The following FBXO45 variants were observed in gnomAD, a reference collection of about 807,000 sequenced individuals.
The protein encoded by FBXO45 is F-box/SPRY domain-containing protein 1.
In FBXO45, 3 loss-of-function variants were observed where a neutral mutation model predicts 25.5. The observed-to-expected ratio is 0.12, with a 90% CI of 0.05 to 0.30. The LOEUF (loss-of-function observed/expected upper bound fraction) is 0.30. Ranked by LOEUF, FBXO45 falls within the 10% of genes least tolerant of loss-of-function variation. The pLI is 1.00. For missense variants in FBXO45, 219 were observed against 365.0 expected, an observed-to-expected ratio of 0.60 and a Z score of 3.26; for synonymous variants, 155 against 149.8, an observed-to-expected ratio of 1.03 and a Z score of -0.25.
chr3:196,569,370 A>C lies in FBXO45; in HGVS notation c.318+68A>C. 7.1e-4 allele frequency: 1,005 copies of C among 1,407,702 alleles called. No individual in the cohort carries two copies. The highest frequency in any genetic ancestry group is 8.7e-4 in the Non-Finnish European group (916 of 1,054,366). The allele number at this position is 1,407,702 out of a possible 1,614,324, so 87.2% of individuals were successfully genotyped here. A position where few individuals can be genotyped will look rare whatever the true frequency, so the allele number is the denominator to read the frequency against. On this transcript the variant is annotated intron_variant, in intron 1 of 2. Coordinates refer to ENST00000311630, the MANE Select transcript of FBXO45 (RefSeq NM_001105573.2). The surrounding 1 kb of genome is among the most constrained non-coding windows in gnomAD (Gnocchi z 4.1). ...CCCGGCGTCGTTCGCGGTGTTTCTC[A>C]TCCGAGCTTCTGAGTCAGAAGCTTC... is the stretch of plus-strand genomic sequence containing the variant.
intron 1 of FBXO45, among the ~76,000 whole-genome samples, chr3:196,576,185 A>G (rs555991353): frequency 1.3e-5 from 2 of 152,234 alleles, no homozygotes; most frequent in African/African-American, 4.8e-5. Flanking sequence ...TGGTGAGGGG[A>G]CTGGATCCTT....
At position 196,580,843 on chromosome 3, in the gene FBXO45, C is replaced by T. The variant is rs185106792; in HGVS notation, c.675+3034C>T. ...CTGGAGTGGTGCAGTGGTGCAGTGG[C>T]GTGATGATCTTGGCTCACTGAAACC... On this transcript the variant is annotated intron_variant, in intron 2 of 2. Transcript: ENST00000311630. 3.3e-4 allele frequency among the ~76,000 whole-genome samples: 50 copies of T among 150,182 alleles called. No homozygotes were observed. The East Asian group carries it at 9.7e-3, about 29-fold the overall frequency.
intron 1 of FBXO45, among the ~76,000 whole-genome samples, chr3:196,572,631 C>G (rs1319079486): frequency 6.6e-6 from 1 of 152,120 alleles, no homozygotes; most frequent in Non-Finnish European, 1.5e-5. Context: ...GTAGGGAAGC[C>G]ATTTTGAGTT....
chr3:196,577,649 G>A lies in FBXO45; in HGVS notation c.515G>A (p.Gly172Glu), dbSNP rs749646673. The change falls in exon 2 of 3, where the codon GGA (glycine) becomes GAA (glutamate). Residue 172 changes from glycine (G) to glutamate (E), a missense_variant. By Grantham distance (98) the Gly-to-Glu change is moderately conservative (BLOSUM62 -2). Around this residue, in one of 4 missense-constraint regions of FBXO45, gnomAD observed 31 missense variants for 107.2 expected, o/e 0.29. Transcript: ENST00000311630. Reference protein sequence around the residue: ...EGPLGTVAVIGIATKRAPMQC... With the variant: ...EGPLGTVAVIEIATKRAPMQC... The stretch of plus-strand genomic sequence containing the variant: ...CCTCTGGGCACTGTGGCAGTGATTG[G>A]AATTGCCACAAAACGGGCCCCCATG... The A allele has an allele frequency of 6.2e-7, 1 of 1,613,676 alleles. No homozygotes were observed. Among genetic ancestry groups the A allele is most frequent in the South Asian group, 1.1e-5 (1 of 91,040 alleles).
At chr3:196,578,547 C>T (rs1007581861) in intron 2 of FBXO45, among the ~76,000 whole-genome samples, 1 of 151,698 alleles carries the variant, frequency 6.6e-6, no homozygotes, top group African/African-American at 2.4e-5. Context: ...AGGTAAGGAT[C>T]TATCACGAGT....
At position 196,569,874 on chromosome 3, in the gene FBXO45, T is replaced by A. The variant is rs1735761202; in HGVS notation, c.318+572T>A. On this transcript the variant is annotated intron_variant, in intron 1 of 2. Coordinates refer to ENST00000311630, the MANE Select transcript of FBXO45 (RefSeq NM_001105573.2). The surrounding 1 kb of genome is among the most constrained non-coding windows in gnomAD (Gnocchi z 4.1). ...CCTGCTCACTTACAAGATACAGGCT[T>A]TTATAGAACGTCCACGGGCACCACC... 6.6e-6 allele frequency among the ~76,000 whole-genome samples: 1 copy of A among 152,208 alleles called. No homozygotes were observed. The highest frequency in any genetic ancestry group is 2.4e-5 in the African/African-American group (1 of 41,464).
chr3:196,581,429 C>A (rs1736011526), intron 2 of FBXO45, among the ~76,000 whole-genome samples: 1 of 151,614 alleles, frequency 6.6e-6, no homozygotes, highest in African/African-American at 2.4e-5. Context: ...TGAGGTTTCA[C>A]CATGTTGGCC....
At position 196,577,230 on chromosome 3, in the gene FBXO45, T is replaced by A. The variant is rs149857407; in HGVS notation, c.319-223T>A. Among the ~76,000 whole-genome samples, 307 of 151,890 alleles carry A rather than the reference T, an allele frequency of 2.0e-3. 1 individual carries two copies. The highest frequency in any genetic ancestry group is 7.2e-3 in the African/African-American group (297 of 41,384). On this transcript the variant is annotated intron_variant, in intron 1 of 2. Coordinates refer to ENST00000311630, the MANE Select transcript of FBXO45 (RefSeq NM_001105573.2). ...AGTCTGTTTGAGGAAATACTACAAT[T>A]TAAAATTTTGGTCAGTGATGAAACG...
rs1054793239 is a variant in FBXO45, at chr3:196,586,059, A to T, written c.*1741A>T. 3.9e-5 allele frequency: 6 copies of T among 152,124 alleles called. No homozygotes were observed. The highest frequency in any genetic ancestry group is 3.9e-4 in the Admixed American group (6 of 15,276). The allele number at this position is 152,124 out of a possible 1,614,324, so 9.4% of individuals were successfully genotyped here. A position where few individuals can be genotyped will look rare whatever the true frequency, so the allele number is the denominator to read the frequency against. The stretch of plus-strand genomic sequence containing the variant: ...TTTTCGATGTCCAGGTTAAGAAGAA[A>T]CCTCCTTGTATTGAGTGAAATTATA... On this transcript the variant is annotated 3_prime_UTR_variant, in exon 3 of 3. Transcript: ENST00000311630.
intron 1 of FBXO45, among the ~76,000 whole-genome samples, chr3:196,571,005 C>T (rs993077141): frequency 2.0e-5 from 3 of 152,136 alleles, no homozygotes; most frequent in African/African-American, 7.2e-5. Flanking sequence ...CTCATGCGCC[C>T]GGCCTCAAGT....
In FBXO45 at chr3:196,586,152, C is replaced by G. The variant is rs1041053494; in HGVS notation, c.*1834C>G. 6.6e-6 allele frequency: 1 copy of G among 152,190 alleles called. No individual in the cohort carries two copies. The highest frequency in any genetic ancestry group is 1.9e-4 in the East Asian group (1 of 5,186). The allele number at this position is 152,190 out of a possible 1,614,324, so 9.4% of individuals were successfully genotyped here. On this transcript the variant is annotated 3_prime_UTR_variant, in exon 3 of 3. Transcript: ENST00000311630. ...TTTCTTGGTGTAGAACAACTCAGTT[C>G]GGCAAAGTTTAAAATTTGATTAAAC...
intron 1 of FBXO45, 115 bp from the exon 2 acceptor site, chr3:196,577,338 A>G (rs1735932659): frequency 2.6e-6 from 2 of 772,490 alleles, no homozygotes; most frequent in African/African-American, 1.7e-5. Context: ...TACTTGTGTT[A>G]TTTTAAAATA....
Position 196,584,097 on chromosome 3 carries a change from C to T in FBXO45, c.676-36C>T. The stretch of plus-strand genomic sequence containing the variant: ...TTGTTTCTTCTAGCTACACCCTTGG[C>T]AGATTTTCTTCTAACCTTTTGATAT... On this transcript the variant is annotated intron_variant, in intron 2 of 2. Transcript: ENST00000311630. This position sits in a 1 kb window ranked among gnomAD's most constrained non-coding sequence, Gnocchi z 4.3. The T allele has an allele frequency of 6.3e-7, 1 of 1,595,752 alleles. No individual in the cohort carries two copies. The highest frequency in any genetic ancestry group is 8.6e-7 in the Non-Finnish European group (1 of 1,169,116).
At chr3:196,570,931 T>G (rs1030735254) in intron 1 of FBXO45, among the ~76,000 whole-genome samples, 1 of 151,902 alleles carries the variant, frequency 6.6e-6, no homozygotes, top group African/African-American at 2.4e-5. Context: ...CAGCATGGTC[T>G]CAATCTCCTG....
intron 1 of FBXO45, among the ~76,000 whole-genome samples, chr3:196,572,558 G>A (rs1166894059): frequency 1.3e-5 from 2 of 152,186 alleles, no homozygotes; most frequent in Non-Finnish European, 2.9e-5. Flanking sequence ...TGTGGCTGGA[G>A]CACAGAGAGC....
intron 1 of FBXO45, 88 bp from the exon 2 acceptor site, chr3:196,577,365 A>T: frequency 9.9e-7 from 1 of 1,011,644 alleles, no homozygotes; most frequent in Non-Finnish European, 1.4e-6. Flanking sequence ...TTCGTTATTT[A>T]AAAACATACA....
chr3:196,587,785 G>C lies in FBXO45; in HGVS notation c.*3467G>C, dbSNP rs1736163113. The C allele has an allele frequency of 6.6e-6, 1 of 152,100 alleles. No individual in the cohort carries two copies. The highest frequency in any genetic ancestry group is 1.5e-5 in the Non-Finnish European group (1 of 68,016). 9.4% of individuals were successfully genotyped at this position (152,100 alleles called of 1,614,324 possible). A position where few individuals can be genotyped will look rare whatever the true frequency, so the allele number is the denominator to read the frequency against. On this transcript the variant is annotated 3_prime_UTR_variant, in exon 3 of 3. Coordinates refer to ENST00000311630, the MANE Select transcript of FBXO45 (RefSeq NM_001105573.2). ...AGTAATTTGAAGAGATAGAAACTTA[G>C]GGAGTGGTGTGTGTGTTTCTTTTTT...
intron 1 of FBXO45, among the ~76,000 whole-genome samples, chr3:196,570,176 T>C (rs9870529): frequency 0.29 from 43,774 of 152,000 alleles, 7,338 homozygotes; most frequent in East Asian, 0.65. Context: ...TAGCAGTCAA[T>C]CAAGATCATA....
rs988302601 is a variant in FBXO45, at chr3:196,584,235, G to A, written c.778G>A (p.Val260Ile). 7 of 1,613,854 alleles carry A rather than the reference G, an allele frequency of 4.3e-6. No homozygotes were observed. Among genetic ancestry groups the A allele is most frequent in the African/African-American group, 1.3e-5 (1 of 74,908 alleles). Residue 260 changes from valine (V) to isoleucine (I), a missense_variant, in exon 3 of 3, where the codon GTC becomes ATC. Val to Ile is a conservative substitution (Grantham distance 29, BLOSUM62 3). This residue lies in a region of FBXO45 where 16 missense variants were observed against 52.3 expected (regional missense o/e 0.31). Coordinates refer to ENST00000311630, the MANE Select transcript of FBXO45 (RefSeq NM_001105573.2). This position sits in a 1 kb window ranked among gnomAD's most constrained non-coding sequence, Gnocchi z 4.3. ...LGVAFRGLPK[V>I]CLYPAVSAVY... ...GGTTGCTTTTAGAGGACTTCCAAAGGTCTGCTTATACCCAGCAGTTTCTGC... is the reference window on the plus strand; with the variant it reads ...GGTTGCTTTTAGAGGACTTCCAAAGATCTGCTTATACCCAGCAGTTTCTGC...
Sources: gnomAD v4.1 joint callset for allele counts (sites outside exome capture counted in the v4.1 genomes callset) on GRCh38, gnomAD v4.1.1 for gene constraint, gnomAD v4.1.1 regional missense constraint, Gnocchi (gnomAD v3.1) non-coding constraint, MANE v1.5 for transcripts, NCBI Gene and HGNC (gene_info 2026-07-23, HGNC 2026-07-21) for gene names.